EDIL3: variants seen among roughly 807,000 people sequenced by gnomAD.
EDIL3 encodes EGF like and discoidin domains 3, also known as EGF-like repeat and discoidin I-like domain-containing protein 3.
Under a neutral mutation model 67.4 loss-of-function variants are expected in EDIL3, and 37 were observed. The ratio of observed to expected loss-of-function variants is 0.55; its 90% confidence interval spans 0.42 to 0.72. EDIL3 has a LOEUF of 0.72. Ranked by LOEUF, EDIL3 falls within the 30% of genes least tolerant of loss-of-function variation. EDIL3 has a pLI of 0.00. For synonymous variants in EDIL3, 195 were observed against 196.3 expected (o/e 0.99, Z 0.05); for missense variants, 527 against 586.3 (o/e 0.90, Z 1.04).
intron 1 of EDIL3, among the ~76,000 whole-genome samples, chr5:84,371,446 TATATAGAGAG>T (rs1408083748): frequency 1.8e-3 from 158 of 87,102 alleles, no homozygotes; most frequent in Admixed American, 3.2e-3. Flanking sequence ...TATATATATA[TATATAGAGAG>T]AGAGAGAGAG....
chr5:84,174,673 T>G (rs1048384131), intron 4 of EDIL3, among the ~76,000 whole-genome samples: 3 of 152,124 alleles, frequency 2.0e-5, no homozygotes, highest in African/African-American at 7.2e-5. Context: ...CTTCACTGAC[T>G]GGGCGCAGAC....
intron 9 of EDIL3, among the ~76,000 whole-genome samples, chr5:84,035,210 T>A (rs1746000792): frequency 6.6e-6 from 1 of 152,112 alleles, no homozygotes; most frequent in African/African-American, 2.4e-5. Context: ...TTGATGCAAC[T>A]TTAGCGGTAC....
chr5:84,132,399 TATATATTTTAAC>T (rs1747994877), intron 5 of EDIL3, among the ~76,000 whole-genome samples: 8 of 96,204 alleles, frequency 8.3e-5, no homozygotes, highest in African/African-American at 3.6e-4. Context: ...TTATATATAA[TATATATTTTAAC>T]ATATATTATA....
chr5:84,261,615 T>C (rs1050748364), intron 1 of EDIL3, among the ~76,000 whole-genome samples: 1 of 152,172 alleles, frequency 6.6e-6, no homozygotes, highest in Non-Finnish European at 1.5e-5. Context: ...CAAATGTCAA[T>C]AGGAATAATT....
chr5:84,239,901 G>A (rs1744762381), intron 2 of EDIL3, among the ~76,000 whole-genome samples: 1 of 152,140 alleles, frequency 6.6e-6, no homozygotes, highest in Non-Finnish European at 1.5e-5. Context: ...TTTCCTTAGT[G>A]TCCAAAACTA....
At chr5:84,230,763 A>ATGTGTGTGTG (rs59552122) in intron 2 of EDIL3, among the ~76,000 whole-genome samples, 16,539 of 137,004 alleles carry the variant, frequency 0.12, 1,187 homozygotes, top group East Asian at 0.21. Flanking sequence ...CCACTACGTG[A>ATGTGTGTGTG]TGTGTGTGTG....
intron 9 of EDIL3, among the ~76,000 whole-genome samples, chr5:83,981,788 A>G (rs910061607): frequency 1.3e-5 from 2 of 152,030 alleles, no homozygotes; most frequent in Non-Finnish European, 2.9e-5. Flanking sequence ...TCTTTTTATT[A>G]TCATTTTTTA....
intron 5 of EDIL3, among the ~76,000 whole-genome samples, chr5:84,117,311 T>C (rs901711986): frequency 6.6e-6 from 1 of 152,102 alleles, no homozygotes; most frequent in Non-Finnish European, 1.5e-5. Flanking sequence ...ATTACAAGCG[T>C]GAGCCACCGC....
chr5:84,201,486 A>T lies in EDIL3; in HGVS notation c.227-20965T>A, dbSNP rs545402192. ...GGTAGCTCATGTACCATACTTAGAG[A>T]CTTCATCTGTTTTTCTGGGTCAGAA... On this transcript the variant is annotated intron_variant, in intron 3 of 10. Coordinates refer to ENST00000296591, the MANE Select transcript of EDIL3 (RefSeq NM_005711.5). Among the ~76,000 whole-genome samples the T allele has an allele frequency of 3.9e-5, 6 of 152,148 alleles. No homozygotes were observed. The South Asian group carries it at 1.2e-3, about 32-fold the overall frequency.
At chr5:84,376,899 TTGTC>T (rs1747978581) in intron 1 of EDIL3, among the ~76,000 whole-genome samples, 1 of 152,240 alleles carries the variant, frequency 6.6e-6, no homozygotes, top group African/African-American at 2.4e-5. Context: ...TGGTTTTTGT[TTGTC>T]TGTAAACAAC....
At chr5:84,101,429 AATAG>A (rs1747364302) in intron 6 of EDIL3, among the ~76,000 whole-genome samples, 1 of 152,082 alleles carries the variant, frequency 6.6e-6, no homozygotes, top group Non-Finnish European at 1.5e-5. Flanking sequence ...AAACTAATAA[AATAG>A]ATAGACTGCT....
At chr5:84,255,001 C>A (rs1745100644) in intron 1 of EDIL3, among the ~76,000 whole-genome samples, 3 of 152,120 alleles carry the variant, frequency 2.0e-5, no homozygotes, top group African/African-American at 4.8e-5. Flanking sequence ...GGAGGTAGAA[C>A]ATGTATGCGA....
At chr5:84,232,392 G>A (rs1172354942) in intron 2 of EDIL3, among the ~76,000 whole-genome samples, 2 of 72,890 alleles carry the variant, frequency 2.7e-5, no homozygotes, top group Non-Finnish European at 5.6e-5. Context: ...CCCTAAAGAA[G>A]TGATGTCTAA....
intron 4 of EDIL3, among the ~76,000 whole-genome samples, chr5:84,151,449 A>AGGCCCGT (rs1748389111): frequency 6.6e-6 from 1 of 152,146 alleles, no homozygotes; most frequent in Non-Finnish European, 1.5e-5. Flanking sequence ...TATGGGAGAG[A>AGGCCCGT]CTGAGTAGTT....
At chr5:84,011,370 C>T (rs1195111711) in intron 9 of EDIL3, among the ~76,000 whole-genome samples, 1 of 152,128 alleles carries the variant, frequency 6.6e-6, no homozygotes, top group African/African-American at 2.4e-5. Context: ...ACTGACTGTG[C>T]ATTTCTTCTT....
intron 1 of EDIL3, among the ~76,000 whole-genome samples, chr5:84,362,785 T>C (rs1231585862): frequency 6.6e-6 from 1 of 152,208 alleles, no homozygotes; most frequent in Non-Finnish European, 1.5e-5. Context: ...ACTATGTAGC[T>C]GTTATCAGTA....
chr5:84,372,007 G>A (rs305644), intron 1 of EDIL3, among the ~76,000 whole-genome samples: 1,629 of 152,226 alleles, frequency 0.011, 34 homozygotes, highest in African/African-American at 0.038. Flanking sequence ...GAACTTTAGA[G>A]ACTATCTTAG....
intron 1 of EDIL3, among the ~76,000 whole-genome samples, chr5:84,367,277 C>CT (rs957187939): frequency 1.2e-3 from 174 of 146,992 alleles, no homozygotes; most frequent in East Asian, 2.4e-3. Context: ...AATTTAATGA[C>CT]TTTTTTTTTT....
Position 84,365,278 on chromosome 5 carries a change from C to T in EDIL3, c.67+19030G>A, listed in dbSNP as rs375269699. Among the ~76,000 whole-genome samples, 31 of 152,208 alleles carry T rather than the reference C, an allele frequency of 2.0e-4. No individual in the cohort carries two copies. In the East Asian group the frequency reaches 4.8e-3, roughly 24 times the overall value. ...TTACAAAAAACTTTCATGCTCATGG[C>T]CACCTTCATTTTAAAATCCAGTTCT... On this transcript the variant is annotated intron_variant, in intron 1 of 10. Coordinates refer to ENST00000296591, the MANE Select transcript of EDIL3 (RefSeq NM_005711.5).
Sources: gnomAD v4.1 joint callset for allele counts (sites outside exome capture counted in the v4.1 genomes callset) on GRCh38, gnomAD v4.1.1 for gene constraint, MANE v1.5 for transcripts, NCBI Gene and HGNC (gene_info 2026-07-23, HGNC 2026-07-21) for gene names.